Variants in PFKFB3 observed in about 807,000 individuals in gnomAD.
PFKFB3 encodes the protein 6-phosphofructo-2-kinase/fructose-2,6-biphosphatase 3.
A neutral mutation model predicts 68.0 loss-of-function variants in PFKFB3; 33 were observed. That is an observed-to-expected ratio of 0.49 (90% confidence interval 0.37 to 0.65). PFKFB3 has a LOEUF of 0.65. Among genes scored for constraint, PFKFB3 ranks in the 30% least tolerant of loss-of-function variants. The pLI, the probability that PFKFB3 is intolerant of heterozygous loss-of-function variation, is 0.00. For synonymous variants in PFKFB3, 315 were observed against 288.2 expected (o/e 1.09, Z -0.94); for missense variants, 586 against 712.2 (o/e 0.82, Z 2.02).
chr10:6,217,253 T>G, intron 6 of PFKFB3, 62 bp downstream of exon 6: 2 of 1,440,700 alleles, frequency 1.4e-6, no homozygotes, highest in Non-Finnish European at 2.0e-6. Flanking sequence ...ATTTGCAGTC[T>G]GAGGAAGTGG....
At chr10:6,262,892 C>A in the PFKFB3 span, among the ~76,000 whole-genome samples, 3 of 152,238 alleles carry the variant, frequency 2.0e-5, no homozygotes, top group Admixed American at 2.0e-4. Flanking sequence ...TGCTAATAGC[C>A]CAGAGGGGCT....
chr10:6,208,088 G>A (rs10906000), intron 1 of PFKFB3, among the ~76,000 whole-genome samples: 1 of 151,930 alleles, frequency 6.6e-6, no homozygotes, highest in East Asian at 1.9e-4. Context: ...ACCAAACTTT[G>A]TTTTTTGAGA....
At chr10:6,262,688 CAT>C in the PFKFB3 span, among the ~76,000 whole-genome samples, 1 of 152,270 alleles carries the variant, frequency 6.6e-6, no homozygotes, top group East Asian at 1.9e-4. Context: ...GAAATGGTCA[CAT>C]AGGTTTCAGA....
intron 1 of PFKFB3, among the ~76,000 whole-genome samples, chr10:6,187,890 C>T (rs1371074906): frequency 1.3e-5 from 2 of 152,124 alleles, no homozygotes; most frequent in African/African-American, 4.8e-5. Context: ...CCATAGCACT[C>T]TCACCTAGAT....
intron 8 of PFKFB3, 144 bp from the exon 9 acceptor site, chr10:6,221,237 G>C: frequency 1.1e-6 from 1 of 874,110 alleles, no homozygotes; most frequent in Non-Finnish European, 1.7e-6. Flanking sequence ...TAGGGTGTGT[G>C]CGGCTGTGGC....
the PFKFB3 span, among the ~76,000 whole-genome samples, chr10:6,305,186 T>C: frequency 0.022 from 2,551 of 116,516 alleles, no homozygotes; most frequent in Middle Eastern, 0.085. Flanking sequence ...ATATTAGGAA[T>C]TTTTTTTTTT....
At chr10:6,232,822 C>G (rs1182318503) in intron 14 of PFKFB3, 73 bp from the exon 15 acceptor site, 1 of 1,157,814 alleles carries the variant, frequency 8.6e-7, no homozygotes, top group African/African-American at 1.5e-5. Context: ...GCATGGCTCG[C>G]GTCTTCTGCT....
chr10:6,270,846 G>A, the PFKFB3 span, among the ~76,000 whole-genome samples: 3 of 152,130 alleles, frequency 2.0e-5, no homozygotes, highest in Non-Finnish European at 4.4e-5. Context: ...TTGAGAGTAG[G>A]AACTGGGCCA....
At chr10:6,241,208 GA>G (rs1162425031) in intron 14 of PFKFB3, among the ~76,000 whole-genome samples, 3 of 152,138 alleles carry the variant, frequency 2.0e-5, no homozygotes, top group Non-Finnish European at 4.4e-5. Flanking sequence ...CCTGGCCATA[GA>G]ATGTTCTTTA....
At chr10:6,202,806 C>A, upstream of PFKFB3, 1 of 879,696 alleles carries the variant, frequency 1.1e-6, no homozygotes, top group Non-Finnish European at 1.4e-6. Context: ...TGCTTCCCGG[C>A]TCGCCCACCC....
rs1242752213 is a variant in PFKFB3 at position 6,183,614 on chromosome 10, A to AAAAAAATAT, written c.17-30008_17-30007insAAAAATATA. On this transcript the variant is annotated intron_variant, in intron 1 of 14. Coordinates refer to the PFKFB3 transcript ENST00000379789. ...GACCAGCCTGGTCAAAAAAAAAAAA[A>AAAAAAATAT]ATATATATATATATATATGTATATA... Among the ~76,000 whole-genome samples the AAAAAAATAT allele has an allele frequency of 4.7e-4, 44 of 93,938 alleles. 1 individual carries two copies. The highest frequency in any genetic ancestry group is 1.4e-3 in the African/African-American group (42 of 29,360). The allele number at this position is 93,938 out of a possible 152,430, so 61.6% of individuals were successfully genotyped here.
chr10:6,196,528 A>G (rs1312604555), intron 1 of PFKFB3, among the ~76,000 whole-genome samples: 1 of 152,180 alleles, frequency 6.6e-6, no homozygotes, highest in East Asian at 1.9e-4. Flanking sequence ...GTCTGTGGTC[A>G]AAGGTCCAAG....
intron 1 of PFKFB3, among the ~76,000 whole-genome samples, chr10:6,183,322 G>A (rs998722983): frequency 6.6e-6 from 1 of 151,860 alleles, no homozygotes; most frequent in African/African-American, 2.4e-5. Flanking sequence ...CTATTTTTTT[G>A]CTCACAAATT....
At chr10:6,149,831 C>A (rs1156913089) in intron 1 of PFKFB3, 2 of 152,916 alleles carry the variant, frequency 1.3e-5, no homozygotes, top group Non-Finnish European at 2.9e-5. Context: ...TAGCTGCACT[C>A]CCCTGCTAGA....
downstream of PFKFB3, among the ~76,000 whole-genome samples, chr10:6,256,432 C>T (rs946486104): frequency 1.3e-5 from 2 of 152,144 alleles, no homozygotes; most frequent in African/African-American, 2.4e-5. Flanking sequence ...CATGACAGTA[C>T]CCGGAGGGGA....
intron 2 of PFKFB3, among the ~76,000 whole-genome samples, chr10:6,214,515 AT>A (rs928357191): frequency 1.1e-3 from 157 of 143,244 alleles, no homozygotes; most frequent in Middle Eastern, 3.6e-3. Context: ...GGCACTGGGT[AT>A]TTTTTTTTTT....
Position 6,215,466 on chromosome 10 carries a change from T to TG in PFKFB3, c.299+152dup, listed in dbSNP as rs1252875201. The TG allele has an allele frequency of 8.8e-6, 6 of 681,314 alleles. No individual in the cohort carries two copies. In the Admixed American group the frequency reaches 1.3e-4, roughly 15 times the overall value. 42.2% of individuals were successfully genotyped at this position (681,314 alleles called of 1,614,324 possible). A position where few individuals can be genotyped will look rare whatever the true frequency, so the allele number is the denominator to read the frequency against. ...GGCTGCGGGGCTGCGGGTGTAAGGC[T>TG]GGGCTGCGGGCTTGGGCTTGCTTTG... On this transcript the variant is annotated intron_variant, in intron 3 of 14. Transcript: ENST00000379775. The surrounding 1 kb of genome is among the most constrained non-coding windows in gnomAD (Gnocchi z 4.3).
At chr10:6,175,334 G>C (rs1588421971) in intron 1 of PFKFB3, among the ~76,000 whole-genome samples, 1 of 152,172 alleles carries the variant, frequency 6.6e-6, no homozygotes, top group African/African-American at 2.4e-5. Context: ...GGCACTTTCA[G>C]GTACACAGAG....
chr10:6,259,196 C>CATCCATCT (rs58733082), downstream of PFKFB3, among the ~76,000 whole-genome samples: 112,990 of 134,728 alleles, frequency 0.84, 49,170 homozygotes, highest in Non-Finnish European at 0.96. Context: ...TCCATCCATC[C>CATCCATCT]ATCCATCCAT....
Sources: allele counts gnomAD v4.1 joint callset (sites outside exome capture counted in the v4.1 genomes callset), GRCh38; gene constraint gnomAD v4.1.1; non-coding constraint Gnocchi (gnomAD v3.1); transcripts MANE v1.5; gene names NCBI Gene and HGNC (gene_info 2026-07-23, HGNC 2026-07-21).